PBX1: variants seen among roughly 807,000 people sequenced by gnomAD.
PBX1 encodes the protein pre-B-cell leukemia transcription factor 1.
PBX1 carries 6 observed loss-of-function variants against 53.4 expected under a neutral mutation model. The ratio of observed to expected loss-of-function variants is 0.11; its 90% CI spans 0.06 to 0.22. The LOEUF (loss-of-function observed/expected upper bound fraction) is 0.22. PBX1 is among the 10% of genes least tolerant of loss of function. The pLI is 1.00. For synonymous variants in PBX1, 204 were observed against 212.3 expected (o/e 0.96, Z 0.34); for missense variants, 251 against 551.4 (o/e 0.46, Z 5.46).
At chr1:164,646,766 C>G (rs1571141061) in intron 2 of PBX1, among the ~76,000 whole-genome samples, 1 of 152,204 alleles carries the variant, frequency 6.6e-6, no homozygotes, top group East Asian at 1.9e-4. Context: ...CGCCATGTCT[C>G]TTTATTTTTC....
chr1:164,560,145 G>A (rs1317088204), intron 1 of PBX1, 132 bp downstream of exon 1: 2 of 679,618 alleles, frequency 2.9e-6, no homozygotes, highest in Non-Finnish European at 2.3e-6. Context: ...ATTTTGACAA[G>A]CAACTACATG....
At chr1:164,784,686 TAAG>T (rs1668091071) in intron 2 of PBX1, among the ~76,000 whole-genome samples, 1 of 152,228 alleles carries the variant, frequency 6.6e-6, no homozygotes, top group Non-Finnish European at 1.5e-5. Context: ...CGAGTGAATC[TAAG>T]AGCTCCTCGC....
At chr1:164,620,524 A>G (rs1318135513) in intron 2 of PBX1, among the ~76,000 whole-genome samples, 1 of 152,020 alleles carries the variant, frequency 6.6e-6, no homozygotes, top group Non-Finnish European at 1.5e-5. Context: ...CCACCTCACC[A>G]CCCTGTGACA....
At chr1:164,562,474 C>T (rs913798780) in intron 1 of PBX1, among the ~76,000 whole-genome samples, 2 of 151,886 alleles carry the variant, frequency 1.3e-5, no homozygotes, top group Non-Finnish European at 2.9e-5. Context: ...CACACACACA[C>T]ACACACACAC....
chr1:164,663,248 T>TCCTG lies in PBX1; in HGVS notation c.265+99969_265+99972dup, dbSNP rs58476519. On this transcript the variant is annotated intron_variant, in intron 2 of 8. Transcript: ENST00000420696. The stretch of plus-strand genomic sequence containing the variant: ...TTCCTGCCTTCCTTCCTTCCTGCCT[T>TCCTG]CCTGCCTGCCTGCCTGCCTGCCTGC... Among the ~76,000 whole-genome samples the TCCTG allele has an allele frequency of 8.6e-3, 1,235 of 144,278 alleles. 8 individuals carry two copies. Among genetic ancestry groups the TCCTG allele is most frequent in the African/African-American group, 0.012 (449 of 37,744 alleles). The allele number at this position is 144,278 out of a possible 152,430, so 94.7% of individuals were successfully genotyped here. A position where few individuals can be genotyped will look rare whatever the true frequency, so the allele number is the denominator to read the frequency against.
At chr1:164,731,624 T>G (rs900098846) in intron 2 of PBX1, among the ~76,000 whole-genome samples, 2 of 152,186 alleles carry the variant, frequency 1.3e-5, no homozygotes, top group Non-Finnish European at 2.9e-5. Flanking sequence ...TCAGATGCTG[T>G]CAGATGAATT....
At chr1:164,672,734 T>C (rs926453178) in intron 2 of PBX1, among the ~76,000 whole-genome samples, 1 of 152,238 alleles carries the variant, frequency 6.6e-6, no homozygotes, top group African/African-American at 2.4e-5. Flanking sequence ...TGTGTGTACA[T>C]CTGATTATTC....
chr1:164,861,141 C>T (rs763798020), intron 2 of PBX1, among the ~76,000 whole-genome samples: 4 of 151,528 alleles, frequency 2.6e-5, no homozygotes, highest in South Asian at 2.1e-4. Context: ...TCAAGTAAGG[C>T]GTATAAGGCA....
chr1:164,588,690 T>C (rs1571279991), intron 2 of PBX1, among the ~76,000 whole-genome samples: 1 of 151,624 alleles, frequency 6.6e-6, no homozygotes, highest in South Asian at 2.1e-4. Context: ...GGAAAAAAAA[T>C]AAGAGGGAGA....
chr1:164,655,106 T>TTG (rs927072401), intron 2 of PBX1, among the ~76,000 whole-genome samples: 11 of 150,476 alleles, frequency 7.3e-5, no homozygotes, highest in Non-Finnish European at 1.2e-4. Flanking sequence ...GTGTGTTTTT[T>TTG]TTTTTTTTTT....
intron 8 of PBX1, among the ~76,000 whole-genome samples, chr1:164,839,969 A>G (rs915013723): frequency 1.3e-5 from 2 of 151,992 alleles, no homozygotes; most frequent in South Asian, 2.1e-4. Context: ...AGCCAGCAGC[A>G]TGAGTTAATC....
chr1:164,648,261 A>T (rs1780359), intron 2 of PBX1, among the ~76,000 whole-genome samples: 2 of 152,180 alleles, frequency 1.3e-5, no homozygotes, highest in South Asian at 2.1e-4. Context: ...TCCAATTAAC[A>T]GTGGAGGAAG....
At chr1:164,750,145 GGT>G (rs10665357) in intron 2 of PBX1, among the ~76,000 whole-genome samples, 21,473 of 140,576 alleles carry the variant, frequency 0.15, 1,540 homozygotes, top group Middle Eastern at 0.19. Flanking sequence ...GGGGCTAGTT[GGT>G]GTGTGTGTGT....
At chr1:164,603,463 G>T (rs1172094294) in intron 2 of PBX1, among the ~76,000 whole-genome samples, 1 of 152,232 alleles carries the variant, frequency 6.6e-6, no homozygotes, top group East Asian at 1.9e-4. Context: ...AATTATACCT[G>T]GATATGGGAT....
chr1:164,881,902 A>G (rs917783311), intron 2 of PBX1, among the ~76,000 whole-genome samples: 1 of 152,192 alleles, frequency 6.6e-6, no homozygotes, highest in African/African-American at 2.4e-5. Flanking sequence ...GCTCACTCCA[A>G]TGAGACTTGC....
intron 2 of PBX1, among the ~76,000 whole-genome samples, chr1:164,632,105 A>G (rs911234211): frequency 2.0e-5 from 3 of 151,922 alleles, no homozygotes; most frequent in Non-Finnish European, 4.4e-5. Flanking sequence ...CCTTCACACC[A>G]CCCCCTCTCT....
At chr1:164,637,782 C>T (rs1292950733) in intron 2 of PBX1, among the ~76,000 whole-genome samples, 3 of 152,094 alleles carry the variant, frequency 2.0e-5, no homozygotes, top group Admixed American at 6.5e-5. Context: ...ATGGCAGATC[C>T]TGGGGAGGAG....
chr1:164,853,152 T>G (rs1488095947), downstream of PBX1, among the ~76,000 whole-genome samples: 1 of 152,188 alleles, frequency 6.6e-6, no homozygotes, highest in African/African-American at 2.4e-5. Context: ...CCTCCAAGAA[T>G]CTGTAGCTTT....
At chr1:164,647,718 A>ATTTTATTTTAAAATTATTTTT (rs1264030271) in intron 2 of PBX1, among the ~76,000 whole-genome samples, 1 of 152,114 alleles carries the variant, frequency 6.6e-6, no homozygotes, top group Admixed American at 6.5e-5. Flanking sequence ...GGAACTTTTA[A>ATTTTATTTTAAAATTATTTTT]AAAATATTAC....
Sources: gnomAD v4.1 joint callset for allele counts (sites outside exome capture counted in the v4.1 genomes callset) on GRCh38, gnomAD v4.1.1 for gene constraint, MANE v1.5 for transcripts, NCBI Gene and HGNC (gene_info 2026-07-23, HGNC 2026-07-21) for gene names.